PKP4: variants seen among roughly 807,000 people sequenced by gnomAD.
The protein encoded by PKP4 is plakophilin 4.
In PKP4, 90 loss-of-function variants were observed where a neutral mutation model predicts 145.1. The observed-to-expected ratio is 0.62, with a 90% CI of 0.52 to 0.74. The LOEUF (loss-of-function observed/expected upper bound fraction) is 0.74. Ranked by LOEUF, PKP4 falls within the 30% of genes least tolerant of loss-of-function variation. The pLI, the probability that PKP4 is intolerant of heterozygous loss-of-function variation, is 0.00. For synonymous variants in PKP4, 563 were observed against 577.2 expected (o/e 0.98, Z 0.35); for missense variants, 1,340 against 1,482.7 (o/e 0.90, Z 1.58).
intron 2 of PKP4, among the ~76,000 whole-genome samples, chr2:158,556,326 A>G (rs1193160518): frequency 1.3e-5 from 2 of 152,282 alleles, no homozygotes; most frequent in Middle Eastern, 3.4e-3. Flanking sequence ...TGAAGAGGCA[A>G]TCAAATACTT....
chr2:158,662,918 A>G lies in PKP4; in HGVS notation c.2233A>G (p.Thr745Ala). ...TCAGACGGTGGAGAACTGCGTGTGCACCCTGAGGAACCTGTCCTATCGGCT... is the reference window on the plus strand; with the variant it reads ...TCAGACGGTGGAGAACTGCGTGTGCGCCCTGAGGAACCTGTCCTATCGGCT... ...DSKTVENCVCTLRNLSYRLEL... is the reference protein window; with the variant it reads ...DSKTVENCVCALRNLSYRLEL... The change falls in exon 14 of 22, where the codon ACC (threonine) becomes GCC (alanine). Residue 745 changes from threonine to alanine, a missense_variant. By Grantham distance (58) the Thr-to-Ala change is moderately conservative. Coordinates refer to ENST00000389759, the MANE Select transcript of PKP4 (RefSeq NM_003628.6). 1.9e-6 allele frequency: 3 copies of G among 1,606,532 alleles called. No individual in the cohort carries two copies. Among genetic ancestry groups the G allele is most frequent in the South Asian group, 2.2e-5 (2 of 90,280 alleles).
intron 17 of PKP4, among the ~76,000 whole-genome samples, chr2:158,671,689 C>T (rs568772847): frequency 2.4e-4 from 37 of 152,316 alleles, no homozygotes; most frequent in Non-Finnish European, 4.7e-4. Flanking sequence ...GCAGACAGGT[C>T]GCATGACAGC....
In PKP4 at chr2:158,663,573, G is replaced by C. The variant is rs3771679; in HGVS notation, c.2577+128G>C. 520,641 of 753,900 alleles carry C rather than the reference G, an allele frequency of 0.69. 181,633 individuals carry two copies. Among genetic ancestry groups the C allele is most frequent in the East Asian group, 0.83 (31,013 of 37,396 alleles). 46.7% of individuals were successfully genotyped at this position (753,900 alleles called of 1,614,324 possible). A position where few individuals can be genotyped will look rare whatever the true frequency, so the allele number is the denominator to read the frequency against. On this transcript the variant is annotated intron_variant, in intron 15 of 21. Coordinates refer to ENST00000389759, the MANE Select transcript of PKP4 (RefSeq NM_003628.6). ...AAAGGGTCACAGCTACTTAGCTTGTGTGTGAAGGGGTTAAAGGGAAAAAAG... is the reference window on the plus strand; with the variant it reads ...AAAGGGTCACAGCTACTTAGCTTGTCTGTGAAGGGGTTAAAGGGAAAAAAG...
chr2:158,666,715 T>C, intron 16 of PKP4, 152 bp downstream of exon 16: 1 of 581,148 alleles, frequency 1.7e-6, no homozygotes, highest in Non-Finnish European at 2.8e-6. Context: ...ACTCCTGTTT[T>C]GTGACCATTC....
At chr2:158,523,056 G>T (rs2042558644) in intron 1 of PKP4, among the ~76,000 whole-genome samples, 1 of 152,112 alleles carries the variant, frequency 6.6e-6, no homozygotes, top group African/African-American at 2.4e-5. Flanking sequence ...GCTGGGGGAG[G>T]GGCGCCCGCC....
At chr2:158,620,124 G>GA (rs963984325) in intron 4 of PKP4, among the ~76,000 whole-genome samples, 12 of 152,016 alleles carry the variant, frequency 7.9e-5, no homozygotes, top group African/African-American at 2.4e-4. Flanking sequence ...TAGCATTTCT[G>GA]AAAGAAAGTT....
intron 2 of PKP4, among the ~76,000 whole-genome samples, chr2:158,553,453 A>G (rs751509837): frequency 6.6e-6 from 1 of 152,224 alleles, no homozygotes; most frequent in African/African-American, 2.4e-5. Context: ...AAAATGTTGT[A>G]TCAGCAAAAA....
intron 3 of PKP4, among the ~76,000 whole-genome samples, chr2:158,592,847 A>T (rs2049391664): frequency 1.3e-5 from 2 of 152,194 alleles, no homozygotes; most frequent in Admixed American, 1.3e-4. Context: ...AATTGTATGC[A>T]TCAAATAAAA....
At chr2:158,466,905 A>G (rs1260709341) in intron 1 of PKP4, among the ~76,000 whole-genome samples, 1 of 152,218 alleles carries the variant, frequency 6.6e-6, no homozygotes, top group Non-Finnish European at 1.5e-5. Context: ...ACCTTTTGTG[A>G]ATCAGTAATA....
intron 2 of PKP4, among the ~76,000 whole-genome samples, chr2:158,574,912 T>C (rs2047716035): frequency 6.6e-6 from 1 of 152,226 alleles, no homozygotes; most frequent in African/African-American, 2.4e-5. Flanking sequence ...ATCATGCATG[T>C]ATAGGCTTTC....
intron 1 of PKP4, among the ~76,000 whole-genome samples, chr2:158,467,419 G>T (rs1298294846): frequency 6.6e-6 from 1 of 151,998 alleles, no homozygotes; most frequent in Non-Finnish European, 1.5e-5. Flanking sequence ...AATGCTAGTG[G>T]CCTACACCTG....
chr2:158,500,642 C>A (rs1363199279), intron 1 of PKP4, among the ~76,000 whole-genome samples: 1 of 152,332 alleles, frequency 6.6e-6, no homozygotes, highest in East Asian at 1.9e-4. Flanking sequence ...ACAGAGCGCA[C>A]AACAGCATGG....
intron 2 of PKP4, among the ~76,000 whole-genome samples, chr2:158,551,851 A>G (rs1193786732): frequency 6.6e-6 from 1 of 152,238 alleles, no homozygotes; most frequent in Non-Finnish European, 1.5e-5. Context: ...TTAAGTAGTA[A>G]TTTTGAAACA....
chr2:158,482,424 T>C (rs1318214164), intron 1 of PKP4, among the ~76,000 whole-genome samples: 2 of 152,184 alleles, frequency 1.3e-5, no homozygotes, highest in African/African-American at 2.4e-5. Context: ...GTTGGAATTA[T>C]AGGCACATAC....
chr2:158,592,245 C>T (rs759936886), intron 3 of PKP4, among the ~76,000 whole-genome samples: 1 of 151,888 alleles, frequency 6.6e-6, no homozygotes, highest in Non-Finnish European at 1.5e-5. Context: ...AATTAGGGAT[C>T]CATGAGAGTT....
chr2:158,462,216 A>G (rs1164021942), intron 1 of PKP4, among the ~76,000 whole-genome samples: 1 of 152,214 alleles, frequency 6.6e-6, no homozygotes, highest in African/African-American at 2.4e-5. Context: ...CAAATCAGAA[A>G]TTAGGAGATC....
chr2:158,496,819 T>G (rs577781053), intron 1 of PKP4, among the ~76,000 whole-genome samples: 1 of 150,936 alleles, frequency 6.6e-6, no homozygotes, highest in East Asian at 1.9e-4. Flanking sequence ...TCTCTCTGTC[T>G]CTGTCTCTTC....
intron 7 of PKP4, among the ~76,000 whole-genome samples, chr2:158,628,337 A>G (rs2053016216): frequency 6.6e-6 from 1 of 152,190 alleles, no homozygotes; most frequent in Non-Finnish European, 1.5e-5. Flanking sequence ...TCCAGTTTCA[A>G]TAATAGTAAA....
intron 6 of PKP4, among the ~76,000 whole-genome samples, chr2:158,623,657 G>A (rs2052480185): frequency 6.6e-6 from 1 of 152,156 alleles, no homozygotes; most frequent in Non-Finnish European, 1.5e-5. Flanking sequence ...AGCCAGCCCA[G>A]TTGCATGCGA....
Sources: allele counts gnomAD v4.1 joint callset (sites outside exome capture counted in the v4.1 genomes callset), GRCh38; gene constraint gnomAD v4.1.1; transcripts MANE v1.5; gene names NCBI Gene and HGNC (gene_info 2026-07-23, HGNC 2026-07-21).